FRMD6: variants seen among roughly 807,000 people sequenced by gnomAD.
FRMD6 encodes the protein FERM domain containing 6.
In FRMD6, 37 loss-of-function variants were observed where a neutral mutation model predicts 73.2. The ratio of observed to expected loss-of-function variants is 0.51; its 90% CI spans 0.39 to 0.66. The LOEUF (loss-of-function observed/expected upper bound fraction) is 0.66, where lower values mean the gene tolerates loss of function less well. Ranked by LOEUF, FRMD6 falls within the 30% of genes least tolerant of loss-of-function variation. The pLI is 0.00. For missense variants in FRMD6, 714 were observed against 780.5 expected (o/e 0.91, Z 1.02); for synonymous variants, 273 against 282.2 (o/e 0.97, Z 0.33).
Position 51,730,505 on chromosome 14 carries a change from A to G in FRMD6, c.*2476A>G, listed in dbSNP as rs890994790. 1 of 152,646 alleles carries G rather than the reference A, an allele frequency of 6.6e-6. No individual in the cohort carries two copies. Among genetic ancestry groups the G allele is most frequent in the African/African-American group, 2.4e-5 (1 of 41,456 alleles). 9.5% of individuals were successfully genotyped at this position (152,646 alleles called of 1,614,324 possible). A position where few individuals can be genotyped will look rare whatever the true frequency, so the allele number is the denominator to read the frequency against. On this transcript the variant is annotated 3_prime_UTR_variant, in exon 14 of 14. Transcript: ENST00000344768. ...TCTTACATATCTATCGCTTGTCAGT[A>G]TACCCGTTTTGGTATATATTGCCTC...
chr14:51,672,453 T>C (rs1327824894), intron 1 of FRMD6, among the ~76,000 whole-genome samples: 1 of 152,180 alleles, frequency 6.6e-6, no homozygotes, highest in African/African-American at 2.4e-5. Context: ...TGGTTTCTTT[T>C]TGTTTCCTAA....
intron 1 of FRMD6, among the ~76,000 whole-genome samples, chr14:51,534,532 A>G (rs1885773875): frequency 2.0e-5 from 3 of 152,208 alleles, no homozygotes; most frequent in Non-Finnish European, 1.5e-5. Flanking sequence ...TATCAGGTCT[A>G]TGTAAATATC....
chr14:51,653,064 T>C (rs1306334201), intron 1 of FRMD6, among the ~76,000 whole-genome samples: 4 of 152,226 alleles, frequency 2.6e-5, no homozygotes, highest in African/African-American at 9.6e-5. Context: ...GTTTTGCCAG[T>C]ATTTCCCTCA....
At chr14:51,727,337 C>T (rs1898027318) in intron 13 of FRMD6, among the ~76,000 whole-genome samples, 3 of 151,356 alleles carry the variant, frequency 2.0e-5, no homozygotes, top group Admixed American at 1.3e-4. Flanking sequence ...CATGTCTTTA[C>T]CTATATGACC....
At chr14:51,644,387 A>ACACT (rs1489278384) in intron 2 of FRMD6, among the ~76,000 whole-genome samples, 2,344 of 114,980 alleles carry the variant, frequency 0.02, 22 homozygotes, top group Middle Eastern at 0.032. Flanking sequence ...ACACACACAC[A>ACACT]CTCACTCACT....
At chr14:51,688,890 A>G (rs571898817) in intron 1 of FRMD6, among the ~76,000 whole-genome samples, 1 of 152,362 alleles carries the variant, frequency 6.6e-6, no homozygotes, top group South Asian at 2.1e-4. Flanking sequence ...TGCAAACAAA[A>G]TTCTCTATGT....
intron 1 of FRMD6, among the ~76,000 whole-genome samples, chr14:51,684,660 C>T (rs903240777): frequency 1.1e-4 from 16 of 151,980 alleles, no homozygotes; most frequent in Admixed American, 1.3e-4. Flanking sequence ...GAGAGGGGCT[C>T]CTGGCAGCTA....
chr14:51,446,471 C>CACACACACACAT, the FRMD6 span, among the ~76,000 whole-genome samples: 2 of 151,898 alleles, frequency 1.3e-5, no homozygotes, highest in Admixed American at 6.5e-5. Flanking sequence ...CACACACACA[C>CACACACACACAT]GGAAGTTGAG....
chr14:51,577,920 GC>G (rs1888494856), intron 2 of FRMD6, among the ~76,000 whole-genome samples: 1 of 151,914 alleles, frequency 6.6e-6, no homozygotes, highest in East Asian at 1.9e-4. Context: ...ATCTTTCGTT[GC>G]CTCAATTTGT....
chr14:51,628,773 C>T (rs1314355203), intron 2 of FRMD6, among the ~76,000 whole-genome samples: 1 of 120,528 alleles, frequency 8.3e-6, no homozygotes, highest in Non-Finnish European at 1.6e-5. Context: ...TCCACTCCAG[C>T]CTGGGTGACA....
At chr14:51,414,440 G>A in the FRMD6 span, among the ~76,000 whole-genome samples, 4 of 152,254 alleles carry the variant, frequency 2.6e-5, no homozygotes, top group African/African-American at 4.8e-5. Context: ...TGTTTGTCAG[G>A]TTTGTCAAAG....
chr14:51,673,722 A>G (rs1324674325), intron 1 of FRMD6, among the ~76,000 whole-genome samples: 1 of 152,252 alleles, frequency 6.6e-6, no homozygotes, highest in Non-Finnish European at 1.5e-5. Context: ...TGTGGAGGGG[A>G]AAAAAAGTAC....
At chr14:51,566,842 G>A (rs1390024217) in intron 1 of FRMD6, among the ~76,000 whole-genome samples, 1 of 152,230 alleles carries the variant, frequency 6.6e-6, no homozygotes, top group East Asian at 1.9e-4. Flanking sequence ...CTGTGTATAA[G>A]TTGTTTTACC....
At chr14:51,665,891 G>T (rs1478747670) in intron 1 of FRMD6, among the ~76,000 whole-genome samples, 1 of 152,162 alleles carries the variant, frequency 6.6e-6, no homozygotes, top group Non-Finnish European at 1.5e-5. Context: ...TATGAGTTGT[G>T]CCTTTCACCT....
intron 1 of FRMD6, among the ~76,000 whole-genome samples, chr14:51,525,140 G>GTGGATGGATGGATGGA (rs71121650): frequency 6.7e-6 from 1 of 148,538 alleles, no homozygotes; most frequent in Non-Finnish European, 1.5e-5. Flanking sequence ...TGATAGGTGG[G>GTGGATGGATGGATGGA]TGGATGGATG....
chr14:51,568,309 T>G (rs1200779643), intron 1 of FRMD6, among the ~76,000 whole-genome samples: 4 of 152,256 alleles, frequency 2.6e-5, no homozygotes, highest in Non-Finnish European at 5.9e-5. Flanking sequence ...GCTCCTGTTT[T>G]GCATTCACAA....
chr14:51,514,421 G>A (rs1307200443), intron 1 of FRMD6, among the ~76,000 whole-genome samples: 2 of 152,098 alleles, frequency 1.3e-5, no homozygotes, highest in Admixed American at 1.3e-4. Flanking sequence ...CTAGATGATA[G>A]GTTGATAGGT....
At chr14:51,506,121 C>T (rs575461132) in intron 1 of FRMD6, among the ~76,000 whole-genome samples, 1 of 152,330 alleles carries the variant, frequency 6.6e-6, no homozygotes, top group South Asian at 2.1e-4. Flanking sequence ...GCTTTGGTGA[C>T]ACTGCTTATG....
At chr14:51,629,089 G>C (rs1891239830) in intron 2 of FRMD6, among the ~76,000 whole-genome samples, 1 of 151,936 alleles carries the variant, frequency 6.6e-6, no homozygotes, top group Non-Finnish European at 1.5e-5. Flanking sequence ...TGTTAGCCAG[G>C]ATGGTCTCGA....
Sources: allele counts gnomAD v4.1 joint callset (sites outside exome capture counted in the v4.1 genomes callset), GRCh38; gene constraint gnomAD v4.1.1; transcripts MANE v1.5; gene names NCBI Gene and HGNC (gene_info 2026-07-23, HGNC 2026-07-21).